DRICH1: variants seen among roughly 807,000 people sequenced by gnomAD.
DRICH1 encodes aspartate-rich protein 1.
In DRICH1, 38 loss-of-function variants were observed where a neutral mutation model predicts 39.5. The ratio of observed to expected loss-of-function variants is 0.96; its 90% CI spans 0.74 to 1.26. The LOEUF (loss-of-function observed/expected upper bound fraction) is 1.26. Ranked by LOEUF, DRICH1 falls within the 50% of genes most tolerant of loss-of-function variation. The pLI, the probability that DRICH1 is intolerant of heterozygous loss-of-function variation, is 0.00. For missense variants in DRICH1, 279 were observed against 270.4 expected (o/e 1.03, Z -0.22); for synonymous variants, 84 against 99.5 (o/e 0.84, Z 0.93).
chr22:23,601,361 T>C, the DRICH1 span, among the ~76,000 whole-genome samples: 1 of 152,148 alleles, frequency 6.6e-6, no homozygotes, highest in African/African-American at 2.4e-5. Flanking sequence ...ATACTTAGAC[T>C]CCTAGTCAGC....
chr22:23,592,947 C>G, the DRICH1 span, among the ~76,000 whole-genome samples: 6 of 151,096 alleles, frequency 4.0e-5, no homozygotes, highest in East Asian at 5.9e-4. Context: ...CAGGAGAATT[C>G]CTTGAACCCG....
chr22:23,624,037 G>A, intron 3 of DRICH1: 1 of 985,248 alleles, frequency 1.0e-6, no homozygotes, highest in Non-Finnish European at 1.2e-6. Flanking sequence ...CAAGACACTG[G>A]ACCTTTTGCA....
At chr22:23,591,073 T>C in the DRICH1 span, among the ~76,000 whole-genome samples, 5 of 152,230 alleles carry the variant, frequency 3.3e-5, no homozygotes, top group Non-Finnish European at 7.3e-5. Flanking sequence ...CCGTTCTCAC[T>C]CATGGCCCAC....
intron 11 of DRICH1, among the ~76,000 whole-genome samples, chr22:23,611,961 G>A (rs192764962): frequency 2.3e-3 from 343 of 152,280 alleles, no homozygotes; most frequent in African/African-American, 7.3e-3. Flanking sequence ...CTAAGAGTCC[G>A]TGAGGATTTG....
chr22:23,588,116 A>AAT, the DRICH1 span, among the ~76,000 whole-genome samples: 29 of 151,980 alleles, frequency 1.9e-4, 1 homozygote, highest in Admixed American at 1.8e-3. Context: ...GCTACTGTCC[A>AAT]GTTCTGGTTT....
chr22:23,626,142 A>C, intron 1 of DRICH1, 94 bp from the exon 2 acceptor site: 1 of 834,776 alleles, frequency 1.2e-6, no homozygotes. Context: ...GGAGCGTGGG[A>C]CTGAAGGTTC....
At chr22:23,588,286 C>T in the DRICH1 span, among the ~76,000 whole-genome samples, 1 of 152,140 alleles carries the variant, frequency 6.6e-6, no homozygotes, top group African/African-American at 2.4e-5. Flanking sequence ...ATGGCCACAC[C>T]CAGCTAATTT....
the DRICH1 span, among the ~76,000 whole-genome samples, chr22:23,592,134 G>A: frequency 4.6e-5 from 7 of 152,216 alleles, no homozygotes; most frequent in East Asian, 5.8e-4. Flanking sequence ...GTCCAGAGAC[G>A]GGAGCCAGAT....
At position 23,631,839 on chromosome 22, in the gene DRICH1, A is replaced by T. The variant is rs1311498713; in HGVS notation, c.185T>A (p.Ile62Asn). ...GATEGQDLQHISNQKMPTGPP... is the reference protein window; with the variant it reads ...GATEGQDLQHNSNQKMPTGPP... The stretch of plus-strand genomic sequence containing the variant: ...ACCTGTGGGCATCTTTTGGTTGCTG[A>T]TGTGCTGCAGGTCTTGGCCCTCCGT... Residue 62 changes from isoleucine (I) to asparagine (N), a missense_variant, in exon 1 of 12, where the codon ATC becomes AAC. Physicochemically the swap from Ile to Asn is moderately radical, Grantham distance 149. Coordinates refer to ENST00000317749, the MANE Select transcript of DRICH1 (RefSeq NM_016449.4). 13 of 1,612,116 alleles carry T rather than the reference A, an allele frequency of 8.1e-6. No individual in the cohort carries two copies. The African/African-American group carries it at 1.1e-4, about 13-fold the overall frequency.
chr22:23,599,719 A>C, the DRICH1 span, among the ~76,000 whole-genome samples: 6 of 152,154 alleles, frequency 3.9e-5, no homozygotes, highest in South Asian at 2.1e-4. Flanking sequence ...GCCCTGGTTC[A>C]AGCTCCCAGG....
At chr22:23,624,817 A>C in intron 3 of DRICH1, 66 bp downstream of exon 3, 69 of 1,454,786 alleles carry the variant, frequency 4.7e-5, no homozygotes, top group Non-Finnish European at 6.3e-5. Context: ...AATCCAGATT[A>C]AGGTTTCTAT....
At chr22:23,595,621 A>G in the DRICH1 span, among the ~76,000 whole-genome samples, 122 of 152,190 alleles carry the variant, frequency 8.0e-4, no homozygotes, top group African/African-American at 2.4e-3. Flanking sequence ...ATAAATCAAT[A>G]AACAGACACA....
the DRICH1 span, among the ~76,000 whole-genome samples, chr22:23,582,024 G>A: frequency 7.0e-6 from 1 of 143,070 alleles, no homozygotes; most frequent in Non-Finnish European, 1.6e-5. Context: ...CTGTTGCCCA[G>A]GCTGGAGTGC....
the DRICH1 span, among the ~76,000 whole-genome samples, chr22:23,598,485 G>A: frequency 3.3e-5 from 5 of 152,150 alleles, no homozygotes; most frequent in African/African-American, 1.2e-4. Flanking sequence ...CAAACTGCCC[G>A]AGGTCAAGGG....
chr22:23,610,943 TTC>T, intron 11 of DRICH1, among the ~76,000 whole-genome samples: 1 of 151,772 alleles, frequency 6.6e-6, no homozygotes, highest in Non-Finnish European at 1.5e-5. Flanking sequence ...TTCTCTTTGA[TTC>T]TCTCTGTTCT....
At chr22:23,624,579 A>G (rs1263614023) in intron 3 of DRICH1, among the ~76,000 whole-genome samples, 1 of 152,138 alleles carries the variant, frequency 6.6e-6, no homozygotes, top group Non-Finnish European at 1.5e-5. Flanking sequence ...AGTCTTCCCC[A>G]CTAAAGTTCT....
the DRICH1 span, among the ~76,000 whole-genome samples, chr22:23,594,890 G>C: frequency 6.6e-6 from 1 of 151,828 alleles, no homozygotes; most frequent in African/African-American, 2.4e-5. Flanking sequence ...GGCTCAGAGG[G>C]AGGAGCCCCT....
the DRICH1 span, among the ~76,000 whole-genome samples, chr22:23,591,230 G>A: frequency 6.6e-6 from 1 of 152,244 alleles, no homozygotes; most frequent in South Asian, 2.1e-4. Context: ...AAGACACTGA[G>A]TCCCAAGCAG....
In DRICH1 at chr22:23,619,360, T is replaced by A; in HGVS notation, c.436+4A>T. On this transcript the variant is annotated splice_donor_region_variant and intron_variant, in intron 6 of 11. Transcript: ENST00000317749. ...AATACTACACACATGATCTACAGACTCACAAGAACTGCTATCAAACCGGTA... is the reference window on the plus strand; with the variant it reads ...AATACTACACACATGATCTACAGACACACAAGAACTGCTATCAAACCGGTA... 1 of 780,710 alleles carries A rather than the reference T, an allele frequency of 1.3e-6. No homozygotes were observed. The highest frequency in any genetic ancestry group is 2.4e-6 in the Non-Finnish European group (1 of 417,950). 48.4% of individuals were successfully genotyped at this position (780,710 alleles called of 1,614,324 possible). A position where few individuals can be genotyped will look rare whatever the true frequency, so the allele number is the denominator to read the frequency against.
Sources: allele counts gnomAD v4.1 joint callset (sites outside exome capture counted in the v4.1 genomes callset), GRCh38; gene constraint gnomAD v4.1.1; transcripts MANE v1.5; gene names NCBI Gene and HGNC (gene_info 2026-07-23, HGNC 2026-07-21).